Variants in EGFR observed in about 807,000 individuals in gnomAD.
The protein encoded by EGFR is epidermal growth factor receptor, also known as avian erythroblastic leukemia viral (v-erb-b) oncogene homolog.
A neutral mutation model predicts 143.0 loss-of-function variants in EGFR; 58 were observed. That is an observed-to-expected ratio of 0.41 (90% CI 0.33 to 0.50). EGFR has a LOEUF of 0.50. Among genes scored for constraint, EGFR ranks in the 20% least tolerant of loss-of-function variants. EGFR has a pLI of 0.39. For synonymous variants in EGFR, 613 were observed against 594.4 expected, an observed-to-expected ratio of 1.03 and a Z score of -0.45; for missense variants, 1,307 against 1,579.0, an observed-to-expected ratio of 0.83 and a Z score of 2.92.
intron 20 of EGFR, among the ~76,000 whole-genome samples, chr7:55,183,298 A>G (rs1182409835): frequency 6.6e-6 from 1 of 152,220 alleles, no homozygotes; most frequent in Non-Finnish European, 1.5e-5. Flanking sequence ...TGGTAGATAT[A>G]TTAATTAGTT....
chr7:55,092,673 C>G (rs944754980), intron 1 of EGFR, among the ~76,000 whole-genome samples: 7 of 152,218 alleles, frequency 4.6e-5, no homozygotes, highest in Non-Finnish European at 1.0e-4. Flanking sequence ...TCCGCCAGAT[C>G]AAAACAAGCT....
At chr7:55,095,195 G>T (rs942360254) in intron 1 of EGFR, among the ~76,000 whole-genome samples, 1 of 152,214 alleles carries the variant, frequency 6.6e-6, no homozygotes, top group Non-Finnish European at 1.5e-5. Context: ...GAGCAACCCT[G>T]CAAGCCAGGT....
intron 1 of EGFR, among the ~76,000 whole-genome samples, chr7:55,106,775 A>C (rs904212036): frequency 3.3e-5 from 5 of 152,172 alleles, no homozygotes; most frequent in Non-Finnish European, 7.3e-5. Context: ...TTTATCATTT[A>C]TCCTCAAAGC....
rs1456087349 is a variant in EGFR, at chr7:55,142,308, G to A, written c.111G>A (p.Lys37=). 6.2e-7 allele frequency: 1 copy of A among 1,614,086 alleles called. No homozygotes were observed. The highest frequency in any genetic ancestry group is 8.5e-7 in the Non-Finnish European group (1 of 1,180,040). The change falls in exon 2 of 28, where the codon AAG becomes AAA. Residue 37 remains lysine, a synonymous_variant. Coordinates refer to ENST00000275493, the MANE Select transcript of EGFR (RefSeq NM_005228.5). ...EKKVCQGTSN[K]LTQLGTFEDH... Reference sequence around the variant, plus strand: ...CAGTTTGCCAAGGCACGAGTAACAAGCTCACGCAGTTGGGCACTTTTGAAG... The same window carrying A: ...CAGTTTGCCAAGGCACGAGTAACAAACTCACGCAGTTGGGCACTTTTGAAG...
intron 22 of EGFR, among the ~76,000 whole-genome samples, chr7:55,196,782 C>CTT (rs370316535): frequency 5.3e-4 from 76 of 142,622 alleles, no homozygotes; most frequent in African/African-American, 1.5e-3. Flanking sequence ...TTATTCATTG[C>CTT]TTTTTTTTTT....
chr7:55,041,026 T>C (rs1243302843), intron 1 of EGFR, among the ~76,000 whole-genome samples: 1 of 152,222 alleles, frequency 6.6e-6, no homozygotes, highest in Non-Finnish European at 1.5e-5. Flanking sequence ...ATCACAGCAG[T>C]AGAGGACTCT....
intron 1 of EGFR, among the ~76,000 whole-genome samples, chr7:55,083,355 C>A (rs1790575713): frequency 6.6e-6 from 1 of 152,216 alleles, no homozygotes; most frequent in African/African-American, 2.4e-5. Flanking sequence ...TAGACAATAA[C>A]TCAGCCTTGA....
At chr7:55,124,823 C>G (rs898898075) in intron 1 of EGFR, among the ~76,000 whole-genome samples, 4 of 152,222 alleles carry the variant, frequency 2.6e-5, no homozygotes, top group Non-Finnish European at 5.9e-5. Context: ...TCGAACATTC[C>G]CGATTCTGAC....
intron 24 of EGFR, chr7:55,200,823 C>T (rs1787814584): frequency 2.1e-6 from 1 of 475,352 alleles, no homozygotes; most frequent in African/African-American, 1.9e-5. Context: ...AATACCAAAA[C>T]CAAGCTCACA....
intron 1 of EGFR, among the ~76,000 whole-genome samples, chr7:55,081,772 G>A (rs1210953563): frequency 6.6e-6 from 1 of 151,600 alleles, no homozygotes; most frequent in African/African-American, 2.4e-5. Context: ...CGTGCTGTCA[G>A]TGTGTTCTAA....
intron 1 of EGFR, among the ~76,000 whole-genome samples, chr7:55,057,774 C>T (rs991658569): frequency 1.3e-5 from 2 of 152,240 alleles, no homozygotes; most frequent in African/African-American, 2.4e-5. Context: ...ATTATCTCTG[C>T]GGTATTGTTC....
rs1344476909 is a variant in EGFR, at chr7:55,154,043, C to T, written c.780C>T (p.Cys260=). The T allele has an allele frequency of 6.2e-7, 1 of 1,614,194 alleles. No individual in the cohort carries two copies. Among genetic ancestry groups the T allele is most frequent in the South Asian group, 1.1e-5 (1 of 91,074 alleles). ...VCRKFRDEAT[C]KDTCPPLMLY... Reference sequence around the variant, plus strand: ...GCAAATTCCGAGACGAAGCCACGTGCAAGGACACCTGCCCCCCACTCATGC... The same window carrying T: ...GCAAATTCCGAGACGAAGCCACGTGTAAGGACACCTGCCCCCCACTCATGC... The change falls in exon 7 of 28, where the codon TGC becomes TGT. Residue 260 remains cysteine (C), a synonymous_variant. Transcript: ENST00000275493.
At chr7:55,179,214 T>G (rs1235326480) in intron 19 of EGFR, among the ~76,000 whole-genome samples, 1 of 152,242 alleles carries the variant, frequency 6.6e-6, no homozygotes, top group Non-Finnish European at 1.5e-5. Context: ...GTACAGATTA[T>G]GATGACTGCC....
At chr7:55,170,519 T>A (rs755742111) in intron 15 of EGFR, 3 of 1,613,720 alleles carry the variant, frequency 1.9e-6, no homozygotes, top group East Asian at 4.5e-5. Flanking sequence ...GCATCTGTGA[T>A]CATCACGGCC....
intron 1 of EGFR, among the ~76,000 whole-genome samples, chr7:55,136,658 A>G (rs911583605): frequency 1.3e-5 from 2 of 152,242 alleles, no homozygotes; most frequent in African/African-American, 4.8e-5. Flanking sequence ...GTGTGAAAGC[A>G]ATGCACATTC....
chr7:55,101,385 T>G (rs1185281961), intron 1 of EGFR, among the ~76,000 whole-genome samples: 1 of 152,220 alleles, frequency 6.6e-6, no homozygotes, highest in East Asian at 1.9e-4. Flanking sequence ...GTCGCTCTAT[T>G]TACTGAATTA....
intron 1 of EGFR, among the ~76,000 whole-genome samples, chr7:55,039,604 C>G (rs923064619): frequency 5.3e-5 from 8 of 152,154 alleles, no homozygotes; most frequent in Non-Finnish European, 2.9e-5. Context: ...CATTCAGAGA[C>G]CAGGCAGTCG....
intron 20 of EGFR, among the ~76,000 whole-genome samples, chr7:55,185,023 G>A (rs1172074361): frequency 6.6e-6 from 1 of 152,304 alleles, no homozygotes; most frequent in Non-Finnish European, 1.5e-5. Context: ...GACTCACAAA[G>A]GCACAAACTA....
chr7:55,187,402 T>TAGA (rs1787188278), intron 20 of EGFR, among the ~76,000 whole-genome samples: 10 of 152,184 alleles, frequency 6.6e-5, no homozygotes, highest in Admixed American at 6.5e-4. Flanking sequence ...ATCTCAGGAT[T>TAGA]TGATCCAGGT....
Sources: gnomAD v4.1 joint callset for allele counts (sites outside exome capture counted in the v4.1 genomes callset) on GRCh38, gnomAD v4.1.1 for gene constraint, MANE v1.5 for transcripts, NCBI Gene and HGNC (gene_info 2026-07-23, HGNC 2026-07-21) for gene names.